The following COL5A2 variants were observed in gnomAD, a reference collection of about 807,000 sequenced individuals.
COL5A2 encodes the protein collagen type V alpha 2 chain.
A neutral mutation model predicts 208.2 loss-of-function variants in COL5A2; 23 were observed. The ratio of observed to expected loss-of-function variants is 0.11; its 90% CI spans 0.08 to 0.16. The LOEUF (loss-of-function observed/expected upper bound fraction) is 0.16, where lower values mean the gene tolerates loss of function less well. Ranked by LOEUF, COL5A2 falls within the 10% of genes least tolerant of loss-of-function variation. The pLI, the probability that COL5A2 is intolerant of heterozygous loss-of-function variation, is 1.00. For synonymous variants in COL5A2, 625 were observed against 628.5 expected, an observed-to-expected ratio of 0.99 and a Z score of 0.08; for missense variants, 1,590 against 1,956.4, an observed-to-expected ratio of 0.81 and a Z score of 3.53.
intron 1 of COL5A2, among the ~76,000 whole-genome samples, chr2:189,212,587 C>T (rs1234177055): frequency 2.7e-5 from 4 of 150,158 alleles, no homozygotes; most frequent in East Asian, 3.9e-4. Context: ...TGCAGTGAGC[C>T]GAGATCGTGC....
the COL5A2 span, among the ~76,000 whole-genome samples, chr2:189,319,849 A>G: frequency 7.2e-5 from 11 of 152,162 alleles, no homozygotes; most frequent in Non-Finnish European, 1.6e-4. Flanking sequence ...GAGATCTGAG[A>G]ATGGACAGAC....
the COL5A2 span, among the ~76,000 whole-genome samples, chr2:189,266,074 T>G: frequency 6.6e-6 from 1 of 152,134 alleles, no homozygotes; most frequent in Non-Finnish European, 1.5e-5. Context: ...CATCAACTGA[T>G]GAGTGGATAA....
At chr2:189,325,325 T>A in the COL5A2 span, among the ~76,000 whole-genome samples, 53 of 144,298 alleles carry the variant, frequency 3.7e-4, no homozygotes, top group African/African-American at 1.4e-3. Flanking sequence ...TAAAAAAAAA[T>A]ATATATATAT....
the COL5A2 span, among the ~76,000 whole-genome samples, chr2:189,363,435 C>G: frequency 6.6e-6 from 1 of 151,920 alleles, no homozygotes; most frequent in East Asian, 1.9e-4. Flanking sequence ...GTTTTTTCTC[C>G]TTAATTAATG....
chr2:189,156,389 T>C (rs977867408), intron 1 of COL5A2, among the ~76,000 whole-genome samples: 5 of 152,116 alleles, frequency 3.3e-5, no homozygotes, highest in Non-Finnish European at 5.9e-5. Context: ...TACTGACAAC[T>C]GCAGAATTTT....
the COL5A2 span, among the ~76,000 whole-genome samples, chr2:189,390,164 G>T: frequency 1.3e-5 from 2 of 151,848 alleles, no homozygotes; most frequent in South Asian, 4.2e-4. Context: ...CCCTGAGGCT[G>T]CCTGTGTGTT....
At chr2:189,308,650 C>T in the COL5A2 span, among the ~76,000 whole-genome samples, 1 of 152,104 alleles carries the variant, frequency 6.6e-6, no homozygotes, top group African/African-American at 2.4e-5. Context: ...GTCTCCACAA[C>T]CCCTTATCTT....
At chr2:189,286,440 T>C in the COL5A2 span, among the ~76,000 whole-genome samples, 1 of 152,168 alleles carries the variant, frequency 6.6e-6, no homozygotes, top group Admixed American at 6.5e-5. Context: ...ACTACTAAGA[T>C]AGCTAAAGGG....
At chr2:189,329,945 A>G in the COL5A2 span, among the ~76,000 whole-genome samples, 1 of 152,164 alleles carries the variant, frequency 6.6e-6, no homozygotes, top group African/African-American at 2.4e-5. Context: ...AGAGAGAGGA[A>G]AAAAATCTTA....
At chr2:189,237,465 A>T in the COL5A2 span, among the ~76,000 whole-genome samples, 3 of 151,822 alleles carry the variant, frequency 2.0e-5, no homozygotes, top group African/African-American at 4.8e-5. Context: ...TGGTAAAAAA[A>T]GATTTTCTTA....
At chr2:189,322,324 G>C in the COL5A2 span, among the ~76,000 whole-genome samples, 1 of 152,056 alleles carries the variant, frequency 6.6e-6, no homozygotes, top group Admixed American at 6.6e-5. Flanking sequence ...AAATAACAAA[G>C]ATCAGAGCAG....
chr2:189,322,640 C>G, the COL5A2 span, among the ~76,000 whole-genome samples: 1 of 152,164 alleles, frequency 6.6e-6, no homozygotes, highest in Non-Finnish European at 1.5e-5. Context: ...GAAGTTGAAT[C>G]TCTGAATAGA....
At chr2:189,103,254 C>G (rs189942589) in intron 3 of COL5A2, among the ~76,000 whole-genome samples, 6 of 152,064 alleles carry the variant, frequency 3.9e-5, no homozygotes, top group Non-Finnish European at 1.5e-5. Flanking sequence ...ATTTGCAGCC[C>G]TTCTCCTTTG....
At chr2:189,183,592 A>G (rs533943304), upstream of COL5A2, among the ~76,000 whole-genome samples, 3 of 152,264 alleles carry the variant, frequency 2.0e-5, no homozygotes, top group African/African-American at 4.8e-5. Context: ...CTTTATACCA[A>G]TTAACACTAC....
intron 1 of COL5A2, among the ~76,000 whole-genome samples, chr2:189,176,520 C>T (rs899807003): frequency 4.6e-5 from 7 of 152,134 alleles, no homozygotes; most frequent in Non-Finnish European, 1.0e-4. Flanking sequence ...TACAATGATT[C>T]ATAACAAAGA....
chr2:189,316,225 A>G, the COL5A2 span, among the ~76,000 whole-genome samples: 1 of 152,186 alleles, frequency 6.6e-6, no homozygotes, highest in African/African-American at 2.4e-5. Flanking sequence ...TCCATCAATG[A>G]TAGACTGGAT....
Position 189,056,966 on chromosome 2 carries a change from C to T in COL5A2, c.2391+7G>A. 1 of 1,613,790 alleles carries T rather than the reference C, an allele frequency of 6.2e-7. No individual in the cohort carries two copies. The highest frequency in any genetic ancestry group is 8.5e-7 in the Non-Finnish European group (1 of 1,179,800). Reference sequence around the variant, plus strand: ...AGCCCAGCTAGAAAAGGAATACTTTCACTTACTCTTGCACCATCATTTCCA... The same window carrying T: ...AGCCCAGCTAGAAAAGGAATACTTTTACTTACTCTTGCACCATCATTTCCA... On this transcript the variant is annotated splice_region_variant and intron_variant, in intron 35 of 53. Transcript: ENST00000374866.
chr2:189,086,293 G>T (rs1686660614), intron 9 of COL5A2, among the ~76,000 whole-genome samples: 1 of 152,090 alleles, frequency 6.6e-6, no homozygotes, highest in South Asian at 2.1e-4. Context: ...CATTTTAAAA[G>T]CATATTGTAT....
rs1254380162 is a variant in COL5A2 at position 189,079,114 on chromosome 2, A to G, written c.961-7T>C. 1 of 1,611,080 alleles carries G rather than the reference A, an allele frequency of 6.2e-7. No homozygotes were observed. Among genetic ancestry groups the G allele is most frequent in the South Asian group, 1.1e-5 (1 of 91,006 alleles). On this transcript the variant is annotated splice_region_variant and splice_polypyrimidine_tract_variant and intron_variant, in intron 14 of 53. Transcript: ENST00000374866. ...CAGTGGGGCCAGCTTCACCCTAAAA[A>G]AAAATGAGAATACATTACAGTATGA...
Sources: allele counts gnomAD v4.1 joint callset (sites outside exome capture counted in the v4.1 genomes callset), GRCh38; gene constraint gnomAD v4.1.1; transcripts MANE v1.5; gene names NCBI Gene and HGNC (gene_info 2026-07-23, HGNC 2026-07-21).